Variants in DPRX observed in about 807,000 individuals in gnomAD.
DPRX encodes the protein divergent paired-related homeobox.
Under a neutral mutation model 8.4 loss-of-function variants are expected in DPRX, and 11 were observed. That is an observed-to-expected ratio of 1.31 (90% confidence interval 0.82 to 2.17). The LOEUF (loss-of-function observed/expected upper bound fraction) is 2.17. Ranked by LOEUF, DPRX falls within the 30% of genes most tolerant of loss-of-function variation. The pLI is 0.00. For synonymous variants in DPRX, 72 were observed against 87.0 expected, an observed-to-expected ratio of 0.83 and a Z score of 0.96; for missense variants, 211 against 236.7, an observed-to-expected ratio of 0.89 and a Z score of 0.71.
In DPRX at chr19:53,636,879, G is replaced by A. The variant is rs763774653; in HGVS notation, c.467G>A (p.Arg156Gln). Residue 156 changes from arginine to glutamine, a missense_variant, in exon 3 of 3, where the codon CGA becomes CAA. Coordinates refer to ENST00000376650, the Ensembl canonical transcript of DPRX. ...AGAATAGTCCATTTTGGCTGCTGCC[G>A]AGATCCTAATATATACTGCCTCTAC... The A allele has an allele frequency of 1.2e-5, 19 of 1,613,986 alleles. No individual in the cohort carries two copies. Among genetic ancestry groups the A allele is most frequent in the South Asian group, 1.1e-4 (10 of 91,088 alleles).
the DPRX span, among the ~76,000 whole-genome samples, chr19:53,623,719 A>C: frequency 1.3e-5 from 2 of 151,984 alleles, no homozygotes; most frequent in Admixed American, 1.3e-4. Flanking sequence ...CGCTTGCCAA[A>C]GTAAGTGAAT....
chr19:53,613,514 A>ATTT, the DPRX span, among the ~76,000 whole-genome samples: 2 of 139,382 alleles, frequency 1.4e-5, no homozygotes. Flanking sequence ...TGCCCCGCTA[A>ATTT]TTTTTTTTTT....
the DPRX span, chr19:53,601,901 G>T: frequency 2.5e-6 from 1 of 392,848 alleles, no homozygotes; most frequent in Non-Finnish European, 5.1e-6. Context: ...TTTCGCAACT[G>T]CCCTTTTTAC....
chr19:53,623,306 C>CAAAAAAA, the DPRX span, among the ~76,000 whole-genome samples: 18 of 77,790 alleles, frequency 2.3e-4, no homozygotes, highest in Middle Eastern at 7.0e-3. Flanking sequence ...GACTCTGTCT[C>CAAAAAAA]AAAAAAATAA....
chr19:53,634,246 C>T (rs570166265), intron 1 of DPRX, among the ~76,000 whole-genome samples: 274 of 152,242 alleles, frequency 1.8e-3, no homozygotes, highest in African/African-American at 6.2e-3. Context: ...GCCTAGCCAA[C>T]ATGGTGAAAC....
the DPRX span, among the ~76,000 whole-genome samples, chr19:53,604,150 A>C: frequency 6.6e-6 from 1 of 152,128 alleles, no homozygotes; most frequent in Admixed American, 6.6e-5. Flanking sequence ...CCATGCTGTG[A>C]ACGCTACCGG....
chr19:53,622,536 T>C, the DPRX span, among the ~76,000 whole-genome samples: 1 of 152,150 alleles, frequency 6.6e-6, no homozygotes, highest in East Asian at 1.9e-4. Context: ...AGGGCTGTGG[T>C]TGTGCAACTT....
At chr19:53,608,850 G>A in the DPRX span, among the ~76,000 whole-genome samples, 1 of 151,200 alleles carries the variant, frequency 6.6e-6, no homozygotes, top group Non-Finnish European at 1.5e-5. Context: ...AGCTACTCGG[G>A]AGGCTGAGGC....
the DPRX span, among the ~76,000 whole-genome samples, chr19:53,618,934 G>A: frequency 0.016 from 2,467 of 151,944 alleles, 70 homozygotes; most frequent in African/African-American, 0.056. Flanking sequence ...CACCCGCCTC[G>A]GCCTCCCAAA....
At chr19:53,630,557 G>A (rs796419993), upstream of DPRX, among the ~76,000 whole-genome samples, 34 of 152,050 alleles carry the variant, frequency 2.2e-4, no homozygotes, top group African/African-American at 8.0e-4. Context: ...ACAGCTACTT[G>A]GGGGCAAATG....
upstream of DPRX, among the ~76,000 whole-genome samples, chr19:53,628,061 G>A (rs190021545): frequency 4.7e-3 from 709 of 152,098 alleles, 5 homozygotes; most frequent in Middle Eastern, 0.041. Context: ...TAAAGCAAGC[G>A]CTTGGGCTGT....
At chr19:53,636,779 G>T (rs763901601) in exon 3 of DPRX, 1 of 1,614,106 alleles carries the variant, frequency 6.2e-7, no homozygotes, top group Admixed American at 1.7e-5. Context: ...GGTGTACACG[G>T]GTCATCGAGT....
chr19:53,610,624 T>C, the DPRX span, among the ~76,000 whole-genome samples: 1 of 152,112 alleles, frequency 6.6e-6, no homozygotes, highest in Non-Finnish European at 1.5e-5. Flanking sequence ...AGGGCTGATG[T>C]GGAGTCCCAG....
chr19:53,625,260 C>T, the DPRX span, among the ~76,000 whole-genome samples: 1 of 151,484 alleles, frequency 6.6e-6, no homozygotes, highest in African/African-American at 2.4e-5. Context: ...GCTTTTTTAC[C>T]CAGACTCATC....
At chr19:53,635,646 C>T (rs2091109218) in intron 2 of DPRX, among the ~76,000 whole-genome samples, 1 of 151,904 alleles carries the variant, frequency 6.6e-6, no homozygotes, top group South Asian at 2.1e-4. Flanking sequence ...CTCCCAGAGT[C>T]CTGGGATTAT....
At chr19:53,620,291 G>A in the DPRX span, among the ~76,000 whole-genome samples, 7 of 151,918 alleles carry the variant, frequency 4.6e-5, no homozygotes, top group East Asian at 5.8e-4. Context: ...GGATGGTCTC[G>A]ATCTCCTGAC....
chr19:53,628,255 C>G (rs1476874753), upstream of DPRX, among the ~76,000 whole-genome samples: 1 of 152,098 alleles, frequency 6.6e-6, no homozygotes, highest in East Asian at 1.9e-4. Context: ...CTGGGTAACA[C>G]AGTGAGACCT....
chr19:53,636,478 G>T, intron 2 of DPRX, 118 bp from the exon 3 acceptor site: 1 of 868,798 alleles, frequency 1.2e-6, no homozygotes, highest in Non-Finnish European at 1.5e-6. Context: ...TTAAAAAAAA[G>T]AATATAAATA....
At chr19:53,636,630 A>G (rs771996860) in exon 3 of DPRX, 1 of 1,613,676 alleles carries the variant, frequency 6.2e-7, no homozygotes, top group African/African-American at 1.3e-5. Flanking sequence ...AAACTCAAGA[A>G]AGCGAAATGC....
Sources: allele counts gnomAD v4.1 joint callset (sites outside exome capture counted in the v4.1 genomes callset), GRCh38; gene constraint gnomAD v4.1.1; transcripts MANE v1.5; gene names NCBI Gene and HGNC (gene_info 2026-07-23, HGNC 2026-07-21).